PTPN12: variants seen among roughly 807,000 people sequenced by gnomAD.
PTPN12 encodes the protein protein tyrosine phosphatase non-receptor type 12, also known as tyrosine-protein phosphatase non-receptor type 12.
Under a neutral mutation model 97.6 loss-of-function variants are expected in PTPN12, and 29 were observed. That is an observed-to-expected ratio of 0.30 (90% CI 0.22 to 0.41). The LOEUF (loss-of-function observed/expected upper bound fraction) is 0.41, where lower values mean the gene tolerates loss of function less well. Among genes scored for constraint, PTPN12 ranks in the 10% least tolerant of loss-of-function variants. PTPN12 has a pLI of 1.00. For synonymous variants in PTPN12, 327 were observed against 300.4 expected, an observed-to-expected ratio of 1.09 and a Z score of -0.91; for missense variants, 819 against 926.0, an observed-to-expected ratio of 0.88 and a Z score of 1.50.
intron 14 of PTPN12, 45 bp downstream of exon 14, chr7:77,632,470 T>A: frequency 7.1e-7 from 1 of 1,415,362 alleles, no homozygotes; most frequent in Non-Finnish European, 1.0e-6. Context: ...ATTCTAATAA[T>A]AAACTCCGAA....
At chr7:77,636,897 T>C in intron 15 of PTPN12, 121 bp from the exon 16 acceptor site, 1 of 662,672 alleles carries the variant, frequency 1.5e-6, no homozygotes, top group Non-Finnish European at 2.5e-6. Context: ...TTGCTTTTCC[T>C]CTGATGCTGA....
intron 7 of PTPN12, among the ~76,000 whole-genome samples, chr7:77,599,759 G>C (rs1169928185): frequency 6.6e-6 from 1 of 152,160 alleles, no homozygotes; most frequent in Non-Finnish European, 1.5e-5. Context: ...TAGCTTACCT[G>C]AAGTTATTTA....
At chr7:77,600,509 C>T (rs956224827) in intron 7 of PTPN12, among the ~76,000 whole-genome samples, 155 bp from the exon 8 acceptor site, 5 of 152,090 alleles carry the variant, frequency 3.3e-5, no homozygotes, top group African/African-American at 9.7e-5. Flanking sequence ...ATGTGTTTAA[C>T]AGTCAATAAG....
chr7:77,608,332 T>C (rs902880402), intron 9 of PTPN12, among the ~76,000 whole-genome samples: 1 of 152,228 alleles, frequency 6.6e-6, no homozygotes, highest in Admixed American at 6.5e-5. Context: ...TGTGGTAAAT[T>C]GTAAGTACTC....
chr7:77,586,992 G>A (rs879417516), intron 5 of PTPN12, among the ~76,000 whole-genome samples: 3 of 152,188 alleles, frequency 2.0e-5, no homozygotes, highest in Admixed American at 2.0e-4. Flanking sequence ...CACCACATTT[G>A]CAGTTACTTC....
At chr7:77,593,710 A>G (rs1285666743) in intron 6 of PTPN12, among the ~76,000 whole-genome samples, 1 of 152,256 alleles carries the variant, frequency 6.6e-6, no homozygotes, top group Non-Finnish European at 1.5e-5. Flanking sequence ...AGAGACTACC[A>G]GTTTAAATGT....
intron 11 of PTPN12, among the ~76,000 whole-genome samples, chr7:77,611,633 C>T (rs1056545262): frequency 4.6e-5 from 7 of 152,110 alleles, no homozygotes; most frequent in Non-Finnish European, 7.3e-5. Flanking sequence ...TTAGTAGAGA[C>T]GGAGTTTCGC....
At chr7:77,582,628 AC>A (rs1227089959) in intron 3 of PTPN12, among the ~76,000 whole-genome samples, 2 of 151,980 alleles carry the variant, frequency 1.3e-5, no homozygotes, top group African/African-American at 2.4e-5. Flanking sequence ...TACTAAAAAT[AC>A]AAAAATTAGC....
At chr7:77,613,926 A>G (rs1788662035) in intron 11 of PTPN12, among the ~76,000 whole-genome samples, 3 of 151,828 alleles carry the variant, frequency 2.0e-5, no homozygotes, top group African/African-American at 4.8e-5. Context: ...AGGTCTTGCT[A>G]TTTCACCCAG....
At chr7:77,564,371 C>G (rs920162639) in intron 1 of PTPN12, among the ~76,000 whole-genome samples, 1 of 152,008 alleles carries the variant, frequency 6.6e-6, no homozygotes, top group Non-Finnish European at 1.5e-5. Flanking sequence ...TAAATTAATA[C>G]TATTAAGATG....
At chr7:77,545,058 G>A (rs1807149803) in intron 1 of PTPN12, among the ~76,000 whole-genome samples, 2 of 152,152 alleles carry the variant, frequency 1.3e-5, no homozygotes, top group South Asian at 4.1e-4. Flanking sequence ...GTTTCTTAAG[G>A]TAACTTCTGT....
At chr7:77,554,016 G>A (rs1280746979) in intron 1 of PTPN12, among the ~76,000 whole-genome samples, 1 of 151,958 alleles carries the variant, frequency 6.6e-6, no homozygotes, top group East Asian at 1.9e-4. Context: ...GCTTAGGCTG[G>A]AATGCAGTGG....
chr7:77,637,843 G>T, intron 16 of PTPN12, among the ~76,000 whole-genome samples: 1 of 105,064 alleles, frequency 9.5e-6, no homozygotes, highest in East Asian at 4.3e-4. Flanking sequence ...GGCAACAAGA[G>T]GGAAACTCCG....
chr7:77,596,631 T>TG (rs888513662), intron 6 of PTPN12, among the ~76,000 whole-genome samples: 14 of 152,186 alleles, frequency 9.2e-5, no homozygotes, highest in Non-Finnish European at 1.8e-4. Flanking sequence ...AGGCTGGTCT[T>TG]GAACCCCTAG....
At chr7:77,633,613 A>C (rs934881721) in intron 14 of PTPN12, among the ~76,000 whole-genome samples, 3 of 151,982 alleles carry the variant, frequency 2.0e-5, no homozygotes, top group African/African-American at 7.2e-5. Context: ...CATCTCAAAA[A>C]AAAAAAAAGT....
In PTPN12 at chr7:77,580,815, A is replaced by G. The variant is rs180673182; in HGVS notation, c.209-612A>G. Reference sequence around the variant, plus strand: ...TTTATAGTTTCTTGTGAAATATGAAAGTTACATTTTTTAAATAAGAATTTT... The same window carrying G: ...TTTATAGTTTCTTGTGAAATATGAAGGTTACATTTTTTAAATAAGAATTTT... On this transcript the variant is annotated intron_variant, in intron 2 of 17. Coordinates refer to ENST00000248594, the MANE Select transcript of PTPN12 (RefSeq NM_002835.4). Among the ~76,000 whole-genome samples the G allele has an allele frequency of 3.5e-3, 537 of 152,248 alleles. 10 individuals carry two copies. The highest frequency in any genetic ancestry group is 0.034 in the South Asian group (165 of 4,828).
chr7:77,547,939 G>T (rs1325162682), intron 1 of PTPN12, among the ~76,000 whole-genome samples: 1 of 152,318 alleles, frequency 6.6e-6, no homozygotes, highest in African/African-American at 2.4e-5. Flanking sequence ...AGGAATATCA[G>T]CTTAAATGCT....
In PTPN12 at chr7:77,618,550, C is replaced by T; in HGVS notation, c.1010C>T (p.Pro337Leu). ...PEKQDSPPPK[P>L]PRTRSCLVEG... is the part of the protein sequence containing the mutation. Reference sequence around the variant, plus strand: ...AAACAAGATTCTCCTCCTCCAAAACCACCAAGGACCCGCAGGTATTGTATG... The same window carrying T: ...AAACAAGATTCTCCTCCTCCAAAACTACCAAGGACCCGCAGGTATTGTATG... The change falls in exon 12 of 18, where the codon CCA (proline) becomes CTA (leucine). Residue 337 changes from proline (P) to leucine (L), a missense_variant. Transcript: ENST00000248594. 5.6e-6 allele frequency: 9 copies of T among 1,603,258 alleles called. No homozygotes were observed. The highest frequency in any genetic ancestry group is 7.7e-6 in the Non-Finnish European group (9 of 1,171,016).
chr7:77,573,105 CA>C (rs1188949235), intron 2 of PTPN12, among the ~76,000 whole-genome samples: 2 of 47,842 alleles, frequency 4.2e-5, no homozygotes, highest in Non-Finnish European at 3.7e-5. Context: ...AACAAAAAAA[CA>C]AAAAAAACCA....
Sources: gnomAD v4.1 joint callset for allele counts (sites outside exome capture counted in the v4.1 genomes callset) on GRCh38, gnomAD v4.1.1 for gene constraint, MANE v1.5 for transcripts, NCBI Gene and HGNC (gene_info 2026-07-23, HGNC 2026-07-21) for gene names.